CAMK2G: variants seen among roughly 807,000 people sequenced by gnomAD.
CAMK2G encodes calcium/calmodulin-dependent protein kinase type II subunit gamma.
Under a neutral mutation model 88.7 loss-of-function variants are expected in CAMK2G, and 23 were observed. The ratio of observed to expected loss-of-function variants is 0.26; its 90% CI spans 0.19 to 0.37. The LOEUF (loss-of-function observed/expected upper bound fraction) is 0.37. Ranked by LOEUF, CAMK2G falls within the 10% of genes least tolerant of loss-of-function variation. The pLI, the probability that CAMK2G is intolerant of heterozygous loss-of-function variation, is 1.00. For missense variants in CAMK2G, 476 were observed against 780.8 expected (o/e 0.61, Z 4.65); for synonymous variants, 263 against 294.8 (o/e 0.89, Z 1.11).
chr10:73,841,872 G>C (rs1474920251), intron 12 of CAMK2G: 2 of 383,628 alleles, frequency 5.2e-6, no homozygotes, highest in Non-Finnish European at 9.6e-6. Flanking sequence ...AATCTGTAAA[G>C]TGCTGAGAGT....
rs781687160 is a variant in CAMK2G, at chr10:73,815,158, T to C, written c.1624A>G (p.Ile542Val). ...IGEDAACIAY[I>V]RLTQYIDGQG... ...CCGTCGATGTACTGGGTGAGGCGGATGTAGGCGATGCACGCTGCGTCCTCC... is the reference window on the plus strand; with the variant it reads ...CCGTCGATGTACTGGGTGAGGCGGACGTAGGCGATGCACGCTGCGTCCTCC... Residue 542 changes from isoleucine (I) to valine (V), a missense_variant, in exon 22 of 23, where the codon ATC becomes GTC. Coordinates refer to ENST00000423381, the MANE Select transcript of CAMK2G (RefSeq NM_001367534.1). 1 of 1,614,236 alleles carries C rather than the reference T, an allele frequency of 6.2e-7. No individual in the cohort carries two copies. Among genetic ancestry groups the C allele is most frequent in the Non-Finnish European group, 8.5e-7 (1 of 1,180,030 alleles).
At chr10:73,854,142 C>T (rs1415856432) in intron 3 of CAMK2G, among the ~76,000 whole-genome samples, 3 of 152,126 alleles carry the variant, frequency 2.0e-5, no homozygotes, top group Non-Finnish European at 4.4e-5. Context: ...GTGGGGCAGC[C>T]CCCATATTCA....
At chr10:73,838,183 C>T (rs370859655) in intron 13 of CAMK2G, among the ~76,000 whole-genome samples, 18 of 152,318 alleles carry the variant, frequency 1.2e-4, no homozygotes, top group East Asian at 5.8e-4. Context: ...CATAGGGTGA[C>T]GCTCCAGGCT....
rs188452059 is a variant in CAMK2G at position 73,848,328 on chromosome 10, A to C, written c.601+198T>G. On this transcript the variant is annotated intron_variant, in intron 8 of 22. Coordinates refer to ENST00000423381, the MANE Select transcript of CAMK2G (RefSeq NM_001367534.1). This position sits in a 1 kb window ranked among gnomAD's most constrained non-coding sequence, Gnocchi z 4.5. ...CTAAGGCGTGGGCAAATCCCTCTCC[A>C]AGAAGGATACAATGTCATCCCAGAA... 1.0e-3 allele frequency among the ~76,000 whole-genome samples: 156 copies of C among 152,304 alleles called. 2 individuals carry two copies. The highest frequency in any genetic ancestry group is 1.2e-3 in the Non-Finnish European group (81 of 68,002).
At chr10:73,873,111 G>A in intron 1 of CAMK2G, 28 bp from the exon 2 acceptor site, 1 of 1,478,862 alleles carries the variant, frequency 6.8e-7, no homozygotes. Context: ...AAAGAACTGG[G>A]ACACGGAGCA....
At position 73,815,553 on chromosome 10, in the gene CAMK2G, T is replaced by G. The variant is rs370647377; in HGVS notation, c.1535-306A>C. The stretch of plus-strand genomic sequence containing the variant: ...GTATTTCTTGGTGGATAATATTTTC[T>G]TCATTATAAGATGAGGAAATAGGCT... On this transcript the variant is annotated intron_variant, in intron 21 of 22. Coordinates refer to ENST00000423381, the MANE Select transcript of CAMK2G (RefSeq NM_001367534.1). Among the ~76,000 whole-genome samples the G allele has an allele frequency of 2.0e-5, 3 of 152,298 alleles. No individual in the cohort carries two copies. The East Asian group carries it at 5.8e-4, about 29-fold the overall frequency.
chr10:73,815,370 C>CCCG (rs1565133948), intron 21 of CAMK2G, 123 bp from the exon 22 acceptor site: 1 of 570,198 alleles, frequency 1.8e-6, no homozygotes, highest in Non-Finnish European at 2.9e-6. Context: ...CCAAGTACCG[C>CCCG]CCCCCCCCAC....
chr10:73,871,166 GAA>G, intron 2 of CAMK2G, among the ~76,000 whole-genome samples: 1 of 143,938 alleles, frequency 6.9e-6, no homozygotes, highest in African/African-American at 2.5e-5. Flanking sequence ...TTCTTGAGGG[GAA>G]AAAAAAAAAA....
In CAMK2G at chr10:73,821,710, G is replaced by A. The variant is rs149999234; in HGVS notation, c.1221C>T (p.Asn407=). 1.9e-6 allele frequency: 3 copies of A among 1,611,890 alleles called. No individual in the cohort carries two copies. Among genetic ancestry groups the A allele is most frequent in the Non-Finnish European group, 2.5e-6 (3 of 1,179,058 alleles). The change falls in exon 18 of 23, where the codon AAC becomes AAT. Residue 407 remains asparagine (N), a synonymous_variant. Transcript: ENST00000423381. ...DGIKGSTESC[N]TTTEDEDLKA... ...TGAGGTCCTCATCTTCTGTGGTGGT[G>A]TTGCAGCTCTCTGTGGAGCCCTGTA...
chr10:73,816,289 G>A (rs1221118442), intron 21 of CAMK2G: 7 of 989,310 alleles, frequency 7.1e-6, no homozygotes, highest in Non-Finnish European at 8.4e-6. Context: ...CACAACTTCC[G>A]ATCTCGCAAA....
chr10:73,851,533 C>T (rs946484401), intron 5 of CAMK2G, among the ~76,000 whole-genome samples: 1 of 152,110 alleles, frequency 6.6e-6, no homozygotes, highest in African/African-American at 2.4e-5. Flanking sequence ...TCCCTCAGGA[C>T]AGAAACCATG....
At chr10:73,838,725 G>A (rs759811630) in intron 13 of CAMK2G, among the ~76,000 whole-genome samples, 63 of 152,280 alleles carry the variant, frequency 4.1e-4, no homozygotes, top group African/African-American at 1.4e-3. Context: ...GCTGACTCCT[G>A]TGCCTGACCG....
rs896345909 is a variant in CAMK2G, at chr10:73,839,177, C to T, written c.1009+362G>A. On this transcript the variant is annotated intron_variant, in intron 13 of 22. Coordinates refer to ENST00000423381, the MANE Select transcript of CAMK2G (RefSeq NM_001367534.1). This position sits in a 1 kb window ranked among gnomAD's most constrained non-coding sequence, Gnocchi z 4.2. ...CTCTGTGGGGTCTTAAACAGTGCTG[C>T]GGAAATCTAGTCCTAGCACCGGGCA... Among the ~76,000 whole-genome samples the T allele has an allele frequency of 6.6e-6, 1 of 152,186 alleles. No individual in the cohort carries two copies. Among genetic ancestry groups the T allele is most frequent in the South Asian group, 2.1e-4 (1 of 4,836 alleles).
At chr10:73,825,236 G>C in intron 16 of CAMK2G, 43 bp downstream of exon 16, 2 of 1,415,594 alleles carry the variant, frequency 1.4e-6, no homozygotes, top group Non-Finnish European at 2.0e-6. Context: ...AGGGGCAGGA[G>C]GCAGCCAGGG....
Position 73,848,877 on chromosome 10 carries a change from G to A in CAMK2G, c.517+136C>T. 1 of 730,808 alleles carries A rather than the reference G, an allele frequency of 1.4e-6. No individual in the cohort carries two copies. Among genetic ancestry groups the A allele is most frequent in the Non-Finnish European group, 2.5e-6 (1 of 398,680 alleles). 45.3% of individuals were successfully genotyped at this position (730,808 alleles called of 1,614,324 possible). On this transcript the variant is annotated intron_variant, in intron 7 of 22. Transcript: ENST00000423381. The surrounding 1 kb of genome is among the most constrained non-coding windows in gnomAD (Gnocchi z 4.5). ...TGACAACAGCTAGACTTACTGTACT[G>A]AGTCGCGTACGGCCAAGAGAGATCT...
intron 21 of CAMK2G, chr10:73,816,724 G>C (rs1184082509): frequency 7.6e-7 from 1 of 1,309,694 alleles, no homozygotes; most frequent in African/African-American, 1.5e-5. Context: ...CTCCCAAAGT[G>C]TTGGGATTAC....
At position 73,832,074 on chromosome 10, in the gene CAMK2G, A is replaced by T. The variant is rs2092536684; in HGVS notation, c.1054-3953T>A. On this transcript the variant is annotated intron_variant, in intron 14 of 22. Transcript: ENST00000423381. The stretch of plus-strand genomic sequence containing the variant: ...GTATTATGCTTTACTTTAAAAAAAA[A>T]ATAGTATTTAAAAAAAATTCTGATA... Among the ~76,000 whole-genome samples, 5 of 152,116 alleles carry T rather than the reference A, an allele frequency of 3.3e-5. No individual in the cohort carries two copies. The South Asian group carries it at 6.2e-4, about 19-fold the overall frequency.
rs369237403 is a variant in CAMK2G at position 73,814,988 on chromosome 10, G to A, written c.*12+15C>T. 6.7e-5 allele frequency: 104 copies of A among 1,558,122 alleles called. No individual in the cohort carries two copies. Among genetic ancestry groups the A allele is most frequent in the South Asian group, 2.2e-4 (20 of 89,148 alleles). On this transcript the variant is annotated intron_variant, in intron 22 of 22. Transcript: ENST00000423381. ...CAGGCCCTTCCAGCCCCTCTCCCCC[G>A]TCAACCAGGTGCACCTGTGGCTGAG...
At chr10:73,856,088 C>T (rs2095013031) in intron 3 of CAMK2G, among the ~76,000 whole-genome samples, 1 of 152,144 alleles carries the variant, frequency 6.6e-6, no homozygotes. Flanking sequence ...CTGATAATAA[C>T]AATCTAAATC....
Sources: allele counts gnomAD v4.1 joint callset (sites outside exome capture counted in the v4.1 genomes callset), GRCh38; gene constraint gnomAD v4.1.1; non-coding constraint Gnocchi (gnomAD v3.1); transcripts MANE v1.5; gene names NCBI Gene and HGNC (gene_info 2026-07-23, HGNC 2026-07-21).